Variants in SKIC2 observed in about 807,000 individuals in gnomAD.
SKIC2 encodes the protein superkiller complex protein 2.
chr6:31,967,686 C>G, the SKIC2 span: 27 of 1,611,120 alleles, frequency 1.7e-5, no homozygotes, highest in South Asian at 2.2e-5. This position sits in a 1 kb window ranked among gnomAD's most constrained non-coding sequence, Gnocchi z 4.9. Context: ...ATCACACCCC[C>G]CTCTCCTGGC....
the SKIC2 span, chr6:31,967,621 C>T: frequency 7.0e-7 from 1 of 1,426,880 alleles, no homozygotes; most frequent in Non-Finnish European, 9.7e-7. This position sits in a 1 kb window ranked among gnomAD's most constrained non-coding sequence, Gnocchi z 4.9. Context: ...TGCATGGTTG[C>T]TTCCTGATTC....
chr6:31,959,241 C>T, the SKIC2 span: 2 of 1,606,518 alleles, frequency 1.2e-6, no homozygotes, highest in East Asian at 2.2e-5. Context: ...GGAAATGGAA[C>T]GGAGTAGCCG....
chr6:31,959,226 G>A, the SKIC2 span: 1 of 1,608,818 alleles, frequency 6.2e-7, no homozygotes, highest in Non-Finnish European at 8.5e-7. Flanking sequence ...TGAGGGGGAG[G>A]GGAGGGAAAT....
the SKIC2 span, chr6:31,967,643 TG>T: frequency 6.5e-7 from 1 of 1,534,950 alleles, no homozygotes. This position sits in a 1 kb window ranked among gnomAD's most constrained non-coding sequence, Gnocchi z 4.9. Context: ...TGCCCAAGGG[TG>T]GGTATCTGGT....
At chr6:31,968,967 G>A in the SKIC2 span, 1 of 1,612,968 alleles carries the variant, frequency 6.2e-7, no homozygotes, top group Non-Finnish European at 8.5e-7. The surrounding 1 kb of genome is among the most constrained non-coding windows in gnomAD (Gnocchi z 6.1). Context: ...GCTCCTCACT[G>A]AGCTCATGTT....
chr6:31,962,510 A>T, the SKIC2 span: 1 of 1,613,952 alleles, frequency 6.2e-7, no homozygotes, highest in Non-Finnish European at 8.5e-7. The surrounding 1 kb of genome is among the most constrained non-coding windows in gnomAD (Gnocchi z 5.0). Context: ...ACATTCGGGG[A>T]TGTGGGGCTG....
chr6:31,964,236 T>G, the SKIC2 span: 1 of 1,612,966 alleles, frequency 6.2e-7, no homozygotes, highest in Non-Finnish European at 8.5e-7. The surrounding 1 kb of genome is among the most constrained non-coding windows in gnomAD (Gnocchi z 5.0). Context: ...CCAAAGGTCC[T>G]GCACATGTCA....
chr6:31,963,221 C>A, the SKIC2 span: 1 of 806,136 alleles, frequency 1.2e-6, no homozygotes, highest in Non-Finnish European at 2.0e-6. This position sits in a 1 kb window ranked among gnomAD's most constrained non-coding sequence, Gnocchi z 5.3. Context: ...ACATGTCCCA[C>A]CTGGTGGCTG....
chr6:31,964,062 G>C, the SKIC2 span: 2 of 1,612,528 alleles, frequency 1.2e-6, no homozygotes, highest in African/African-American at 2.7e-5. This position sits in a 1 kb window ranked among gnomAD's most constrained non-coding sequence, Gnocchi z 5.0. Context: ...AGAAGAGCGA[G>C]ATCCACCTCT....
chr6:31,964,139 C>T, the SKIC2 span: 42 of 1,611,494 alleles, frequency 2.6e-5, no homozygotes, highest in East Asian at 1.6e-4. The surrounding 1 kb of genome is among the most constrained non-coding windows in gnomAD (Gnocchi z 5.0). Flanking sequence ...CGTCTGTGTG[C>T]GTCTGTGTGC....
At chr6:31,959,302 C>A in the SKIC2 span, 7 of 1,613,166 alleles carry the variant, frequency 4.3e-6, no homozygotes, top group Admixed American at 1.7e-5. Flanking sequence ...CGTAGTGCTA[C>A]CCCCTCCAGA....
the SKIC2 span, chr6:31,961,727 C>T: frequency 6.3e-7 from 1 of 1,586,812 alleles, no homozygotes; most frequent in East Asian, 2.2e-5. Context: ...GGGTCACACT[C>T]CCAGCCGACC....
At chr6:31,961,099 G>C in the SKIC2 span, 1 of 1,613,312 alleles carries the variant, frequency 6.2e-7, no homozygotes, top group Non-Finnish European at 8.5e-7. Flanking sequence ...CAAAAGGTTA[G>C]TTTTAGTTTT....
At chr6:31,961,632 C>G in the SKIC2 span, 1 of 1,613,024 alleles carries the variant, frequency 6.2e-7, no homozygotes, top group South Asian at 1.1e-5. Context: ...GCCACCTCCC[C>G]TGTTGGTGAT....
At chr6:31,962,186 A>G in the SKIC2 span, 1 of 993,226 alleles carries the variant, frequency 1.0e-6, no homozygotes, top group Non-Finnish European at 1.5e-6. The surrounding 1 kb of genome is among the most constrained non-coding windows in gnomAD (Gnocchi z 5.0). Flanking sequence ...TAAGACTGAG[A>G]CAAGAGCCCA....
chr6:31,961,179 G>C, the SKIC2 span: 1 of 1,613,836 alleles, frequency 6.2e-7, no homozygotes, highest in East Asian at 2.2e-5. Context: ...GGTTGACCTT[G>C]TTGGCTTGCT....
the SKIC2 span, chr6:31,963,582 G>C: frequency 6.5e-7 from 1 of 1,544,784 alleles, no homozygotes; most frequent in East Asian, 2.3e-5. The surrounding 1 kb of genome is among the most constrained non-coding windows in gnomAD (Gnocchi z 5.3). Flanking sequence ...ATGGGGGAAA[G>C]AGTTAGGGCT....
the SKIC2 span, chr6:31,962,098 A>C: frequency 1.2e-6 from 2 of 1,601,400 alleles, no homozygotes; most frequent in Non-Finnish European, 1.7e-6. The surrounding 1 kb of genome is among the most constrained non-coding windows in gnomAD (Gnocchi z 5.0). Flanking sequence ...AGCCAGCCCC[A>C]TTTTCTCCTG....
chr6:31,965,822 ATGCC>A, the SKIC2 span: 1 of 1,612,690 alleles, frequency 6.2e-7, no homozygotes, highest in Non-Finnish European at 8.5e-7. This position sits in a 1 kb window ranked among gnomAD's most constrained non-coding sequence, Gnocchi z 5.6. Flanking sequence ...GGGAGTAAAC[ATGCC>A]TGCTCGTACA....
Sources: gnomAD v4.1 joint callset for allele counts on GRCh38, gnomAD v4.1.1 for gene constraint, Gnocchi (gnomAD v3.1) non-coding constraint, MANE v1.5 for transcripts, NCBI Gene and HGNC (gene_info 2026-07-23, HGNC 2026-07-21) for gene names.